The following FGGY variants were observed in gnomAD, a reference collection of about 807,000 sequenced individuals.
FGGY encodes the protein FGGY carbohydrate kinase domain-containing protein.
In FGGY, 72 loss-of-function variants were observed where a neutral mutation model predicts 71.3. The ratio of observed to expected loss-of-function variants is 1.01; its 90% CI spans 0.84 to 1.23. The LOEUF (loss-of-function observed/expected upper bound fraction) is 1.23, where lower values mean the gene tolerates loss of function less well. Among genes scored for constraint, FGGY ranks in the 50% most tolerant of loss-of-function variants. The pLI, the probability that FGGY is intolerant of heterozygous loss-of-function variation, is 0.00. For synonymous variants in FGGY, 251 were observed against 250.3 expected (o/e 1.00, Z -0.02); for missense variants, 668 against 682.3 (o/e 0.98, Z 0.23).
At chr1:59,465,719 A>T (rs2153532686) in intron 6 of FGGY, among the ~76,000 whole-genome samples, 1 of 152,366 alleles carries the variant, frequency 6.6e-6, no homozygotes, top group African/African-American at 2.4e-5. Flanking sequence ...AACAACAGAC[A>T]GACAGAGCCA....
chr1:59,302,169 T>G (rs2042859597), intron 1 of FGGY, among the ~76,000 whole-genome samples: 1 of 152,202 alleles, frequency 6.6e-6, no homozygotes, highest in African/African-American at 2.4e-5. Context: ...TTTATATTGC[T>G]GAATTTTATT....
chr1:59,296,687 G>A (rs2041997998), upstream of FGGY: 2 of 147,518 alleles, frequency 1.4e-5, no homozygotes, highest in African/African-American at 5.0e-5. Context: ...CTTTACAGGG[G>A]CCGCGCTTTA....
At chr1:59,532,929 A>C (rs981757870) in intron 7 of FGGY, among the ~76,000 whole-genome samples, 1 of 152,092 alleles carries the variant, frequency 6.6e-6, no homozygotes, top group African/African-American at 2.4e-5. Context: ...CTATTGCAGA[A>C]AGTCAATACA....
chr1:59,754,355 CT>C (rs2098272460), intron 14 of FGGY, among the ~76,000 whole-genome samples: 1 of 152,078 alleles, frequency 6.6e-6, no homozygotes, highest in African/African-American at 2.4e-5. Context: ...CACTACTCTT[CT>C]CTTAATTCCT....
chr1:59,569,183 A>T (rs1002165531), intron 8 of FGGY, among the ~76,000 whole-genome samples: 1 of 152,324 alleles, frequency 6.6e-6, no homozygotes, highest in South Asian at 2.1e-4. Context: ...CACAACAAAT[A>T]TGTAAGGCTA....
chr1:59,318,602 C>A (rs983562457), intron 1 of FGGY: 1 of 152,198 alleles, frequency 6.6e-6, no homozygotes, highest in Non-Finnish European at 1.5e-5. Context: ...GAGAGGGAGT[C>A]AAAAGTGAGG....
At chr1:59,353,652 C>A (rs1006218312) in intron 4 of FGGY, among the ~76,000 whole-genome samples, 1 of 152,170 alleles carries the variant, frequency 6.6e-6, no homozygotes, top group Non-Finnish European at 1.5e-5. Context: ...AATGTTTTTA[C>A]TTCACAAGAG....
At chr1:59,694,832 G>A (rs907652992) in intron 14 of FGGY, among the ~76,000 whole-genome samples, 2 of 152,078 alleles carry the variant, frequency 1.3e-5, no homozygotes, top group African/African-American at 4.8e-5. Flanking sequence ...GCTCTAACTA[G>A]GCGTCTTCAT....
At chr1:59,651,780 T>C (rs1181617360) in intron 11 of FGGY, among the ~76,000 whole-genome samples, 1 of 151,020 alleles carries the variant, frequency 6.6e-6, no homozygotes, top group Non-Finnish European at 1.5e-5. Flanking sequence ...TATGTGTGAA[T>C]TTGATCCTGT....
intron 4 of FGGY, among the ~76,000 whole-genome samples, chr1:59,359,103 C>T (rs999511335): frequency 6.6e-6 from 1 of 152,156 alleles, no homozygotes; most frequent in African/African-American, 2.4e-5. Flanking sequence ...TTGGAGCTTA[C>T]CTAAGTAAAG....
rs2042060224 is a variant in FGGY at position 59,297,131 on chromosome 1, T to G, written c.-34T>G. ...CCGTTGTTCCCGAGACGTTGTTGAG[T>G]CCCCTGTGTCCTCTTCTGGGTGAGG... On this transcript the variant is annotated 5_prime_UTR_variant, in exon 1 of 16. Coordinates refer to ENST00000303721, the MANE Select transcript of FGGY (RefSeq NM_018291.5). 6.6e-6 allele frequency: 1 copy of G among 152,300 alleles called. No individual in the cohort carries two copies. The highest frequency in any genetic ancestry group is 1.5e-5 in the Non-Finnish European group (1 of 68,130). The allele number at this position is 152,300 out of a possible 1,614,324, so 9.4% of individuals were successfully genotyped here.
rs566978569 is a variant in FGGY at position 59,450,186 on chromosome 1, T to A, written c.555-6775T>A. On this transcript the variant is annotated intron_variant, in intron 5 of 15. Coordinates refer to ENST00000303721, the MANE Select transcript of FGGY (RefSeq NM_018291.5). ...AAATATTTGTTAGTATTCCATTTTA[T>A]CTCTAAAAAGTTTTACCTCTTGCCA... Among the ~76,000 whole-genome samples, 3 of 152,310 alleles carry A rather than the reference T, an allele frequency of 2.0e-5. 1 individual carries two copies. The South Asian group carries it at 6.2e-4, about 32-fold the overall frequency.
intron 14 of FGGY, among the ~76,000 whole-genome samples, chr1:59,675,327 CTTCCTAATA>C (rs1202362571): frequency 1.3e-5 from 2 of 152,098 alleles, no homozygotes; most frequent in African/African-American, 4.8e-5. Flanking sequence ...TTTGTATAAT[CTTCCTAATA>C]CCTATAACAA....
At chr1:59,393,677 A>G (rs558567000) in intron 5 of FGGY, among the ~76,000 whole-genome samples, 1 of 152,162 alleles carries the variant, frequency 6.6e-6, no homozygotes, top group East Asian at 1.9e-4. Flanking sequence ...TGAGAAACAT[A>G]TGTAGTTTTC....
chr1:59,567,428 A>G (rs2095892543), intron 8 of FGGY, among the ~76,000 whole-genome samples: 1 of 152,162 alleles, frequency 6.6e-6, no homozygotes, highest in Admixed American at 6.5e-5. Flanking sequence ...GCACCAGGCA[A>G]AGACTAAGCC....
intron 8 of FGGY, among the ~76,000 whole-genome samples, chr1:59,585,328 A>T (rs1392774891): frequency 2.0e-5 from 3 of 152,226 alleles, no homozygotes; most frequent in Non-Finnish European, 4.4e-5. Flanking sequence ...AGAGATGCAG[A>T]CCAATGGAAC....
chr1:59,587,186 T>G (rs1320195322), intron 8 of FGGY, among the ~76,000 whole-genome samples: 1 of 152,216 alleles, frequency 6.6e-6, no homozygotes, highest in Non-Finnish European at 1.5e-5. Flanking sequence ...GGAGTCTCAC[T>G]GATTGCTAGC....
chr1:59,302,753 T>G (rs2042961377), intron 1 of FGGY, among the ~76,000 whole-genome samples: 1 of 152,074 alleles, frequency 6.6e-6, no homozygotes, highest in East Asian at 1.9e-4. Flanking sequence ...CCTAAAGTAT[T>G]TAAATAAAAT....
rs960446620 is a variant in FGGY at position 59,633,440 on chromosome 1, A to G, written c.1074-4788A>G. On this transcript the variant is annotated intron_variant, in intron 10 of 15. Coordinates refer to ENST00000303721, the MANE Select transcript of FGGY (RefSeq NM_018291.5). ...AAATCCTCTTATTTTCTACCTCCCA[A>G]CTGGTTACCAGTAGCTCAGCACAGT... 7.9e-5 allele frequency among the ~76,000 whole-genome samples: 12 copies of G among 152,106 alleles called. 1 individual carries two copies. Among genetic ancestry groups the G allele is most frequent in the Admixed American group, 6.6e-4 (10 of 15,256 alleles).
Sources: gnomAD v4.1 joint callset for allele counts (sites outside exome capture counted in the v4.1 genomes callset) on GRCh38, gnomAD v4.1.1 for gene constraint, MANE v1.5 for transcripts, NCBI Gene and HGNC (gene_info 2026-07-23, HGNC 2026-07-21) for gene names.